SENP2: variants seen among roughly 807,000 people sequenced by gnomAD.
SENP2 encodes SUMO specific peptidase 2.
A neutral mutation model predicts 86.3 loss-of-function variants in SENP2; 16 were observed. The ratio of observed to expected loss-of-function variants is 0.19; its 90% CI spans 0.13 to 0.28. The LOEUF (loss-of-function observed/expected upper bound fraction) is 0.28. SENP2 is among the 10% of genes least tolerant of loss of function. The pLI is 1.00. For synonymous variants in SENP2, 222 were observed against 238.7 expected (o/e 0.93, Z 0.64); for missense variants, 552 against 703.0 (o/e 0.79, Z 2.43).
intron 16 of SENP2, among the ~76,000 whole-genome samples, chr3:185,628,624 A>C (rs1712262721): frequency 2.0e-5 from 3 of 152,152 alleles, no homozygotes; most frequent in Admixed American, 2.0e-4. Flanking sequence ...CTTCCGCTTC[A>C]GCCTCCCAAG....
chr3:185,590,114 C>A lies in SENP2; in HGVS notation c.102C>A (p.Ser34Arg). ...ATATTTTTTTCTTTCTCTTTTTCAG[C>A]ACTCTGTTTTCTACAGTGGACACTG... ...RALLKRRRSD[S>R]TLFSTVDTDE... The change falls in exon 2 of 17, where the codon AGC (serine) becomes AGA (arginine). Residue 34 changes from serine to arginine, a missense_variant and splice_region_variant. Ser to Arg is a moderately radical substitution (Grantham distance 110). Transcript: ENST00000296257. 1 of 1,497,358 alleles carries A rather than the reference C, an allele frequency of 6.7e-7. No individual in the cohort carries two copies. The highest frequency in any genetic ancestry group is 1.4e-5 in the African/African-American group (1 of 70,122). 92.8% of individuals were successfully genotyped at this position (1,497,358 alleles called of 1,614,324 possible). A position where few individuals can be genotyped will look rare whatever the true frequency, so the allele number is the denominator to read the frequency against.
At position 185,619,391 on chromosome 3, in the gene SENP2, A is replaced by G; in HGVS notation, c.1335A>G (p.Lys445=). ...TATTCAGTACTTTCTTCTATCCTAA[A>G]TTAAAGTCTGGGGGTTACCAAGCAG... ...LHVFSTFFYP[K]LKSGGYQAVK... The change falls in exon 13 of 17, where the codon AAA becomes AAG. Residue 445 remains lysine (K), a synonymous_variant. Transcript: ENST00000296257. 2 of 1,614,070 alleles carry G rather than the reference A, an allele frequency of 1.2e-6. No homozygotes were observed. Among genetic ancestry groups the G allele is most frequent in the Non-Finnish European group, 1.7e-6 (2 of 1,179,920 alleles).
At chr3:185,625,261 G>T (rs1319926235) in intron 15 of SENP2, among the ~76,000 whole-genome samples, 1 of 151,964 alleles carries the variant, frequency 6.6e-6, no homozygotes, top group East Asian at 1.9e-4. Context: ...ACAGGCGCCT[G>T]CCACCACGCC....
Position 185,612,670 on chromosome 3 carries a change from C to G in SENP2, c.869+12C>G, listed in dbSNP as rs375374349. The G allele has an allele frequency of 1.3e-6, 2 of 1,576,346 alleles. No individual in the cohort carries two copies. Among genetic ancestry groups the G allele is most frequent in the African/African-American group, 2.7e-5 (2 of 74,170 alleles). ...AGAAGTGAAAAGAGGTACGTACATT[C>G]AGTTCATTCTACACTTTCTTTTAAT... On this transcript the variant is annotated intron_variant, in intron 9 of 16. Coordinates refer to ENST00000296257, the MANE Select transcript of SENP2 (RefSeq NM_021627.3).
At chr3:185,606,915 C>A in intron 6 of SENP2, 2 of 338,618 alleles carry the variant, frequency 5.9e-6, no homozygotes, top group South Asian at 5.0e-5. Context: ...AATTAAAAGA[C>A]TAAAAAGAAT....
At chr3:185,593,089 T>C (rs1338541524) in intron 2 of SENP2, among the ~76,000 whole-genome samples, 3 of 152,192 alleles carry the variant, frequency 2.0e-5, no homozygotes, top group African/African-American at 7.2e-5. Flanking sequence ...GGAGTTAGTA[T>C]GAGTTAGTAT....
chr3:185,586,596 C>G lies in SENP2; in HGVS notation c.101+82C>G. ...CTCCTCGGCCGTGATAGCTTTGATT[C>G]AGCCAGGCTCACCCGAAACAGGTCG... On this transcript the variant is annotated intron_variant, in intron 1 of 16. Transcript: ENST00000296257. The surrounding 1 kb of genome is among the most constrained non-coding windows in gnomAD (Gnocchi z 4.3). 1 of 1,344,696 alleles carries G rather than the reference C, an allele frequency of 7.4e-7. No homozygotes were observed. Among genetic ancestry groups the G allele is most frequent in the South Asian group, 1.2e-5 (1 of 84,964 alleles). The allele number at this position is 1,344,696 out of a possible 1,614,324, so 83.3% of individuals were successfully genotyped here.
chr3:185,613,391 A>G lies in SENP2; in HGVS notation c.916A>G (p.Arg306Gly). 6.3e-7 allele frequency: 1 copy of G among 1,593,012 alleles called. No individual in the cohort carries two copies. The highest frequency in any genetic ancestry group is 8.6e-7 in the Non-Finnish European group (1 of 1,162,844). The change falls in exon 10 of 17, where the codon AGA becomes GGA. Residue 306 changes from arginine to glycine, a missense_variant. Arg to Gly is a moderately radical substitution (Grantham distance 125). Around this residue, in one of 2 missense-constraint regions of SENP2, gnomAD observed 383 missense variants for 427.3 expected, o/e 0.90. Coordinates refer to ENST00000296257, the MANE Select transcript of SENP2 (RefSeq NM_021627.3). ...ITDTETMVGI[R>G]FENESRRGYQ... ...TGATACAGAGACGATGGTCGGAATC[A>G]GATTTGAAAATGAAAGTGTAAGTAA...
intron 2 of SENP2, 49 bp downstream of exon 2, chr3:185,590,218 AT>A (rs1480756331): frequency 4.2e-6 from 4 of 963,224 alleles, no homozygotes; most frequent in Non-Finnish European, 6.2e-6. Context: ...TAGGAAAAAT[AT>A]ATGCATGGAA....
rs926734104 is a variant in SENP2 at position 185,609,421 on chromosome 3, T to C, written c.722+71T>C. 19 of 1,093,932 alleles carry C rather than the reference T, an allele frequency of 1.7e-5. No individual in the cohort carries two copies. The African/African-American group carries it at 2.8e-4, about 16-fold the overall frequency. 67.8% of individuals were successfully genotyped at this position (1,093,932 alleles called of 1,614,324 possible). A position where few individuals can be genotyped will look rare whatever the true frequency, so the allele number is the denominator to read the frequency against. Reference sequence around the variant, plus strand: ...TGTTTGTTTTTGGAGAAAGTATTGGTGGGAAGGGCTTTACTGAAAGAAGAG... The same window carrying C: ...TGTTTGTTTTTGGAGAAAGTATTGGCGGGAAGGGCTTTACTGAAAGAAGAG... On this transcript the variant is annotated intron_variant, in intron 7 of 16. Coordinates refer to ENST00000296257, the MANE Select transcript of SENP2 (RefSeq NM_021627.3).
Position 185,595,260 on chromosome 3 carries a change from C to G in SENP2, c.158-3152C>G, listed in dbSNP as rs536343295. Among the ~76,000 whole-genome samples the G allele has an allele frequency of 6.6e-5, 10 of 152,276 alleles. No homozygotes were observed. In the South Asian group the frequency reaches 2.1e-3, roughly 32 times the overall value. On this transcript the variant is annotated intron_variant, in intron 2 of 16. Coordinates refer to ENST00000296257, the MANE Select transcript of SENP2 (RefSeq NM_021627.3). The stretch of plus-strand genomic sequence containing the variant: ...CACAATTTGCTATGTTACCAAGAGG[C>G]TTCTTGTCCTCTAGAGTCTGGATGA...
At chr3:185,626,001 C>T (rs1332078152) in intron 15 of SENP2, among the ~76,000 whole-genome samples, 1 of 152,076 alleles carries the variant, frequency 6.6e-6, no homozygotes, top group Non-Finnish European at 1.5e-5. Context: ...AATGCAGAGC[C>T]ATGGAGAATT....
chr3:185,609,080 C>T (rs1375055113), intron 6 of SENP2, 167 bp from the exon 7 acceptor site: 1 of 539,174 alleles, frequency 1.9e-6, no homozygotes, highest in Non-Finnish European at 3.3e-6. Context: ...TTCAGTTGAT[C>T]AAAGGAGGCT....
chr3:185,611,145 G>A (rs1022780566), intron 7 of SENP2, among the ~76,000 whole-genome samples: 1 of 151,852 alleles, frequency 6.6e-6, no homozygotes, highest in South Asian at 2.1e-4. Flanking sequence ...GTGTAGTGGC[G>A]TGTGCCAGTA....
intron 2 of SENP2, among the ~76,000 whole-genome samples, chr3:185,592,524 C>T (rs35497918): frequency 0.38 from 57,912 of 151,902 alleles, 11,307 homozygotes; most frequent in South Asian, 0.56. Context: ...GTTAATATTT[C>T]GTTTAAATTC....
At chr3:185,594,938 G>T (rs1722128564) in intron 2 of SENP2, among the ~76,000 whole-genome samples, 1 of 152,080 alleles carries the variant, frequency 6.6e-6, no homozygotes, top group African/African-American at 2.4e-5. Flanking sequence ...TGGCCAGGCT[G>T]GTCTTGAACT....
intron 2 of SENP2, among the ~76,000 whole-genome samples, chr3:185,592,760 G>A (rs1175690699): frequency 1.3e-5 from 2 of 152,050 alleles, no homozygotes; most frequent in Admixed American, 6.6e-5. Flanking sequence ...GGGACTACAG[G>A]TGCCCACCAC....
chr3:185,629,865 C>T lies in SENP2; in HGVS notation c.*21C>T. The T allele has an allele frequency of 6.2e-7, 1 of 1,612,410 alleles. No individual in the cohort carries two copies. Among genetic ancestry groups the T allele is most frequent in the Non-Finnish European group, 8.5e-7 (1 of 1,178,516 alleles). ...TGTGAGAAAACTTTGCCTGGTCCCT[C>T]TAGCTGCTGGTGGTTCTTTCACAGA... is the stretch of plus-strand genomic sequence containing the variant. On this transcript the variant is annotated 3_prime_UTR_variant, in exon 17 of 17. Transcript: ENST00000296257.
At chr3:185,627,105 A>AAAT (rs1393005857) in intron 16 of SENP2, among the ~76,000 whole-genome samples, 1 of 151,762 alleles carries the variant, frequency 6.6e-6, no homozygotes, top group Non-Finnish European at 1.5e-5. Flanking sequence ...AAAAAAAAAA[A>AAAT]AATAGTAGTA....
Sources: allele counts gnomAD v4.1 joint callset (sites outside exome capture counted in the v4.1 genomes callset), GRCh38; gene constraint gnomAD v4.1.1; regional missense constraint gnomAD v4.1.1; non-coding constraint Gnocchi (gnomAD v3.1); transcripts MANE v1.5; gene names NCBI Gene and HGNC (gene_info 2026-07-23, HGNC 2026-07-21).